CACNA2D2: variants seen among roughly 807,000 people sequenced by gnomAD.
CACNA2D2 encodes the protein calcium voltage-gated channel auxiliary subunit alpha2delta 2.
Under a neutral mutation model 166.4 loss-of-function variants are expected in CACNA2D2, and 48 were observed. That is an observed-to-expected ratio of 0.29 (90% CI 0.23 to 0.37). CACNA2D2 has a LOEUF of 0.37. CACNA2D2 is among the 10% of genes least tolerant of loss of function. The pLI is 1.00. For missense variants in CACNA2D2, 1,122 were observed against 1,433.0 expected, an observed-to-expected ratio of 0.78 and a Z score of 3.50; for synonymous variants, 561 against 573.7, an observed-to-expected ratio of 0.98 and a Z score of 0.32.
At chr3:50,431,494 G>A (rs1361459063) in intron 3 of CACNA2D2, among the ~76,000 whole-genome samples, 1 of 152,164 alleles carries the variant, frequency 6.6e-6, no homozygotes, top group African/African-American at 2.4e-5. Context: ...GAGTCAGGGA[G>A]ACCTGAGTTC....
chr3:50,420,377 G>A (rs1390772796), intron 3 of CACNA2D2, among the ~76,000 whole-genome samples: 8 of 152,218 alleles, frequency 5.3e-5, no homozygotes, highest in Non-Finnish European at 8.8e-5. Context: ...TTTTCCATGT[G>A]GGGAGTGGTG....
chr3:50,367,326 T>G lies in CACNA2D2; in HGVS notation c.2401+68A>C. ...AGGGGCCTCAGACAGCAGAGCCCAG[T>G]TCTGGCTGAGCAGACAGGGAAGCTG... On this transcript the variant is annotated intron_variant, in intron 27 of 37. Coordinates refer to ENST00000424201, the MANE Select transcript of CACNA2D2 (RefSeq NM_006030.4). The surrounding 1 kb of genome is among the most constrained non-coding windows in gnomAD (Gnocchi z 6.5). 1 of 1,431,132 alleles carries G rather than the reference T, an allele frequency of 7.0e-7. No individual in the cohort carries two copies. Among genetic ancestry groups the G allele is most frequent in the Non-Finnish European group, 9.8e-7 (1 of 1,020,376 alleles). 88.7% of individuals were successfully genotyped at this position (1,431,132 alleles called of 1,614,324 possible). A position where few individuals can be genotyped will look rare whatever the true frequency, so the allele number is the denominator to read the frequency against.
chr3:50,486,546 G>A (rs991128565), intron 1 of CACNA2D2, among the ~76,000 whole-genome samples: 6 of 152,082 alleles, frequency 3.9e-5, no homozygotes, highest in African/African-American at 1.4e-4. Context: ...AAGCTCACAG[G>A]CCCCCCGAGG....
rs376098039 is a variant in CACNA2D2, at chr3:50,390,717, G to A, written c.466-3105C>T. On this transcript the variant is annotated intron_variant, in intron 4 of 37. Coordinates refer to ENST00000424201, the MANE Select transcript of CACNA2D2 (RefSeq NM_006030.4). ...CGAGGGGCGGGGCAGGAGGGTCCAC[G>A]TGACCCTTGTGTTGGTGACATACAT... 2.9e-3 allele frequency among the ~76,000 whole-genome samples: 447 copies of A among 152,300 alleles called. 21 individuals carry two copies. The South Asian group carries it at 0.09, about 31-fold the overall frequency.
chr3:50,430,014 G>C (rs1707996302), intron 3 of CACNA2D2, among the ~76,000 whole-genome samples: 1 of 152,204 alleles, frequency 6.6e-6, no homozygotes, highest in Non-Finnish European at 1.5e-5. Flanking sequence ...GGGACCTGAG[G>C]GGCACAGGCA....
intron 2 of CACNA2D2, among the ~76,000 whole-genome samples, chr3:50,451,346 G>GA (rs1216571908): frequency 1.3e-5 from 2 of 151,986 alleles, no homozygotes; most frequent in African/African-American, 4.8e-5. Context: ...GGCTGGTCTT[G>GA]AACTCCTGAC....
chr3:50,435,326 T>C (rs1708265826), intron 2 of CACNA2D2, among the ~76,000 whole-genome samples: 1 of 151,844 alleles, frequency 6.6e-6, no homozygotes. Context: ...TGTGTGTGCA[T>C]TTGTATGCAT....
intron 3 of CACNA2D2, among the ~76,000 whole-genome samples, chr3:50,429,315 TAGAG>T (rs763963948): frequency 1.3e-5 from 2 of 151,500 alleles, no homozygotes; most frequent in Non-Finnish European, 2.9e-5. Context: ...AAACGTAAAA[TAGAG>T]AGAGGAGAGT....
chr3:50,431,995 A>C (rs1202760039), intron 3 of CACNA2D2, among the ~76,000 whole-genome samples: 1 of 151,758 alleles, frequency 6.6e-6, no homozygotes, highest in East Asian at 1.9e-4. Context: ...AAAAAAAAAA[A>C]AAAAACAAAG....
intron 2 of CACNA2D2, among the ~76,000 whole-genome samples, chr3:50,463,182 A>G (rs1709670525): frequency 6.6e-6 from 1 of 152,112 alleles, no homozygotes; most frequent in South Asian, 2.1e-4. Context: ...CCACCCCAAC[A>G]CTCCCAAAAG....
At chr3:50,481,466 G>A (rs932374136) in intron 1 of CACNA2D2, among the ~76,000 whole-genome samples, 4 of 152,258 alleles carry the variant, frequency 2.6e-5, no homozygotes, top group East Asian at 3.9e-4. Context: ...GCTGCGCTTC[G>A]TGAGGGAGTG....
intron 1 of CACNA2D2, among the ~76,000 whole-genome samples, chr3:50,477,945 G>A (rs1010397071): frequency 4.6e-5 from 7 of 152,148 alleles, no homozygotes; most frequent in Non-Finnish European, 1.0e-4. Context: ...AAGGGGCTGG[G>A]CCCATGCAAC....
chr3:50,380,802 G>A lies in CACNA2D2; in HGVS notation c.788C>T (p.Thr263Ile). The A allele has an allele frequency of 6.5e-7, 1 of 1,544,942 alleles. No homozygotes were observed. The highest frequency in any genetic ancestry group is 2.3e-5 in the East Asian group (1 of 43,884). The change falls in exon 8 of 38, where the codon ACC becomes ATC. Residue 263 changes from threonine (T) to isoleucine (I), a missense_variant. Transcript: ENST00000424201. The surrounding 1 kb of genome is among the most constrained non-coding windows in gnomAD (Gnocchi z 4.9). ...ATGVTRYYPA[T>I]PWRAPKKIDL... ...GATCTTCTTGGGGGCTCGCCACGGG[G>A]TGGCTGAGGGAGGAGAGAAGGTGAG... is the stretch of plus-strand genomic sequence containing the variant.
intron 3 of CACNA2D2, among the ~76,000 whole-genome samples, chr3:50,397,874 G>T (rs983170344): frequency 7.2e-5 from 11 of 152,188 alleles, no homozygotes; most frequent in Non-Finnish European, 1.5e-4. Context: ...CTGAGGCAGG[G>T]ATCTCCAAGC....
Position 50,363,180 on chromosome 3 carries a change from C to T in CACNA2D2, c.*1486G>A. 1 of 398,926 alleles carries T rather than the reference C, an allele frequency of 2.5e-6. No individual in the cohort carries two copies. The highest frequency in any genetic ancestry group is 4.4e-6 in the Non-Finnish European group (1 of 226,064). The allele number at this position is 398,926 out of a possible 1,614,324, so 24.7% of individuals were successfully genotyped here. A position where few individuals can be genotyped will look rare whatever the true frequency, so the allele number is the denominator to read the frequency against. ...CACCTGACTACACTACAGTTACACGCACGCCCCCGAAGGACACAGCTGGCA... is the reference window on the plus strand; with the variant it reads ...CACCTGACTACACTACAGTTACACGTACGCCCCCGAAGGACACAGCTGGCA... On this transcript the variant is annotated 3_prime_UTR_variant, in exon 38 of 38. Transcript: ENST00000424201.
At chr3:50,374,532 G>A (rs1704866159) in intron 22 of CACNA2D2, among the ~76,000 whole-genome samples, 1 of 152,014 alleles carries the variant, frequency 6.6e-6, no homozygotes. Context: ...ATGAAAGAAT[G>A]GTCTGGAACC....
intron 1 of CACNA2D2, among the ~76,000 whole-genome samples, chr3:50,493,015 T>C (rs1179210798): frequency 1.3e-5 from 2 of 152,168 alleles, no homozygotes; most frequent in East Asian, 1.9e-4. Flanking sequence ...GTGTGAAATA[T>C]ACCACCGGGG....
At position 50,379,069 on chromosome 3, in the gene CACNA2D2, C is replaced by A. The variant is rs777809003; in HGVS notation, c.1260+23G>T. ...CTGTACTGGGCCCAGGTCAGGGTAG[C>A]CCCTGCCTCGGTTGAGCCTCACCGT... On this transcript the variant is annotated intron_variant, in intron 12 of 37. Transcript: ENST00000424201. This position sits in a 1 kb window ranked among gnomAD's most constrained non-coding sequence, Gnocchi z 6.5. The A allele has an allele frequency of 1.8e-5, 29 of 1,612,914 alleles. No homozygotes were observed. Among genetic ancestry groups the A allele is most frequent in the Non-Finnish European group, 2.4e-5 (28 of 1,179,164 alleles).
chr3:50,487,699 G>T (rs1332230378), intron 1 of CACNA2D2, among the ~76,000 whole-genome samples: 1 of 152,162 alleles, frequency 6.6e-6, no homozygotes, highest in African/African-American at 2.4e-5. Flanking sequence ...CCCAATCCGA[G>T]AGAAGCCACC....
Sources: gnomAD v4.1 joint callset for allele counts (sites outside exome capture counted in the v4.1 genomes callset) on GRCh38, gnomAD v4.1.1 for gene constraint, Gnocchi (gnomAD v3.1) non-coding constraint, MANE v1.5 for transcripts, NCBI Gene and HGNC (gene_info 2026-07-23, HGNC 2026-07-21) for gene names.